The following CRADD variants were observed in gnomAD, a reference collection of about 807,000 sequenced individuals.
The protein encoded by CRADD is CARD and death domain containing adaptor protein, also known as death domain-containing protein CRADD.
A neutral mutation model predicts 15.5 loss-of-function variants in CRADD; 9 were observed. The ratio of observed to expected loss-of-function variants is 0.58; its 90% CI spans 0.35 to 1.01. CRADD has a LOEUF of 1.01. Ranked by LOEUF, CRADD falls within the 50% of genes least tolerant of loss-of-function variation. The pLI is 0.02. For synonymous variants in CRADD, 118 were observed against 107.6 expected (o/e 1.10, Z -0.60); for missense variants, 227 against 250.3 (o/e 0.91, Z 0.63).
chr12:93,770,924 G>T (rs926948435), intron 2 of CRADD, among the ~76,000 whole-genome samples: 1 of 152,158 alleles, frequency 6.6e-6, no homozygotes, highest in Non-Finnish European at 1.5e-5. Flanking sequence ...ATCTCTAAGA[G>T]AATTGATGTC....
In CRADD at chr12:93,770,244, C is replaced by T. The variant is rs9705777; in HGVS notation, c.299-79726C>T. Among the ~76,000 whole-genome samples, 140 of 151,680 alleles carry T rather than the reference C, an allele frequency of 9.2e-4. 1 individual carries two copies. The highest frequency in any genetic ancestry group is 3.4e-3 in the Middle Eastern group (1 of 292). ...CCGAGTAGCTGGGACTACAGGCGCC[C>T]GCCATCACGCCCGGCTAATTTTTTT... On this transcript the variant is annotated intron_variant, in intron 2 of 2. Transcript: ENST00000332896.
At chr12:93,808,092 C>T (rs543555713) in intron 2 of CRADD, among the ~76,000 whole-genome samples, 1 of 150,210 alleles carries the variant, frequency 6.7e-6, no homozygotes, top group Non-Finnish European at 1.5e-5. Flanking sequence ...AGTGGGTGTC[C>T]TGGGAGTGAA....
downstream of CRADD, among the ~76,000 whole-genome samples, chr12:93,854,494 C>T (rs561438801): frequency 6.6e-6 from 1 of 152,206 alleles, no homozygotes; most frequent in Non-Finnish European, 1.5e-5. Context: ...AGCTCAGAGT[C>T]AGTGCGGGAG....
intron 2 of CRADD, among the ~76,000 whole-genome samples, chr12:93,710,953 G>T (rs949923066): frequency 1.3e-5 from 2 of 150,774 alleles, no homozygotes; most frequent in Non-Finnish European, 1.5e-5. Flanking sequence ...GCTATGAATT[G>T]TTTATAGAGT....
intron 2 of CRADD, among the ~76,000 whole-genome samples, chr12:93,696,709 T>C (rs1955714674): frequency 6.6e-6 from 1 of 151,456 alleles, no homozygotes; most frequent in African/African-American, 2.4e-5. Context: ...GCCCTTTGTA[T>C]CTATGGATTC....
intron 2 of CRADD, among the ~76,000 whole-genome samples, chr12:93,856,703 A>G (rs1269176720): frequency 1.3e-5 from 2 of 152,236 alleles, no homozygotes; most frequent in African/African-American, 4.8e-5. Flanking sequence ...CTAAGTGGCA[A>G]ATATCCTATA....
intron 2 of CRADD, among the ~76,000 whole-genome samples, chr12:93,696,156 A>T (rs578141622): frequency 5.3e-5 from 8 of 152,366 alleles, no homozygotes; most frequent in Admixed American, 4.6e-4. Context: ...GAATCAGTAT[A>T]GTCATTATGG....
rs1956483048 is a variant in CRADD, at chr12:93,732,426, A to G, written c.298+53354A>G. Among the ~76,000 whole-genome samples, 3 of 152,218 alleles carry G rather than the reference A, an allele frequency of 2.0e-5. No homozygotes were observed. In the South Asian group the frequency reaches 6.2e-4, roughly 31 times the overall value. ...GAAAACACTGGTTGCAGATCGTTCTAAAGGCCATTTGGGACAACAGAACAA... is the reference window on the plus strand; with the variant it reads ...GAAAACACTGGTTGCAGATCGTTCTGAAGGCCATTTGGGACAACAGAACAA... On this transcript the variant is annotated intron_variant, in intron 2 of 2. Transcript: ENST00000332896.
At chr12:93,754,709 C>G (rs2136943470) in intron 2 of CRADD, among the ~76,000 whole-genome samples, 1 of 152,310 alleles carries the variant, frequency 6.6e-6, no homozygotes, top group South Asian at 2.1e-4. Flanking sequence ...TCACTATCAG[C>G]ATTTTTGTCA....
chr12:93,708,019 GCAAACTAGTTTGTTGAGAGAGTT>G (rs1469985736), intron 2 of CRADD: 3 of 152,172 alleles, frequency 2.0e-5, no homozygotes, highest in African/African-American at 7.2e-5. Context: ...GAGTCATTGT[GCAAACTAGTTTGTTGAGAGAGTT>G]CAAAGGCATC....
chr12:93,803,228 T>C (rs1422629271), intron 2 of CRADD, among the ~76,000 whole-genome samples: 2 of 152,194 alleles, frequency 1.3e-5, no homozygotes. Flanking sequence ...CAATGGAATA[T>C]GAATAGAGAA....
At chr12:93,686,704 A>G (rs1019273513) in intron 2 of CRADD, among the ~76,000 whole-genome samples, 1 of 152,190 alleles carries the variant, frequency 6.6e-6, no homozygotes. Flanking sequence ...CTCTGAGAAA[A>G]CAGAGGCCTA....
At chr12:93,745,876 A>T (rs1956741130) in intron 2 of CRADD, among the ~76,000 whole-genome samples, 1 of 152,210 alleles carries the variant, frequency 6.6e-6, no homozygotes, top group South Asian at 2.1e-4. Flanking sequence ...TATTAAGTAT[A>T]CAATTACTTA....
rs548823380 is a variant in CRADD, at chr12:93,701,690, GAGTAAC to G, written c.298+22620_298+22625del. ...TTCCTGAGAATATGATTCAGTTAGT[GAGTAAC>G]ATTCTCTATGCTGGCAAAGGAGGAA... On this transcript the variant is annotated intron_variant, in intron 2 of 2. Transcript: ENST00000332896. Among the ~76,000 whole-genome samples, 45 of 152,306 alleles carry G rather than the reference GAGTAAC, an allele frequency of 3.0e-4. No individual in the cohort carries two copies. In the South Asian group the frequency reaches 8.9e-3, roughly 30 times the overall value.
rs529607578 is a variant in CRADD, at chr12:93,789,607, G to A, written c.299-60363G>A. 1.9e-4 allele frequency among the ~76,000 whole-genome samples: 29 copies of A among 152,174 alleles called. 1 individual carries two copies. In the South Asian group the frequency reaches 5.8e-3, roughly 30 times the overall value. On this transcript the variant is annotated intron_variant, in intron 2 of 2. Transcript: ENST00000332896. ...GATGAGGCATAGAGTGTGGTGGAAGGGAGGGATGACAAAGGGGCAGGCAGA... is the reference window on the plus strand; with the variant it reads ...GATGAGGCATAGAGTGTGGTGGAAGAGAGGGATGACAAAGGGGCAGGCAGA...
chr12:93,771,923 G>A (rs116146347), intron 2 of CRADD, among the ~76,000 whole-genome samples: 110 of 152,308 alleles, frequency 7.2e-4, no homozygotes, highest in African/African-American at 2.4e-3. Flanking sequence ...TATATGAAAA[G>A]CAATAGTGCA....
intron 2 of CRADD, among the ~76,000 whole-genome samples, chr12:93,868,541 A>G (rs1022082901): frequency 2.0e-5 from 3 of 152,218 alleles, no homozygotes; most frequent in Admixed American, 2.0e-4. Flanking sequence ...CCAAAATGTT[A>G]TAAAATAGAA....
chr12:93,727,291 G>C (rs1956385486), intron 2 of CRADD, among the ~76,000 whole-genome samples: 1 of 152,088 alleles, frequency 6.6e-6, no homozygotes, highest in Non-Finnish European at 1.5e-5. Flanking sequence ...TCCATGCCTG[G>C]CTTCCTGTGG....
At chr12:93,713,797 T>A (rs1956115946) in intron 2 of CRADD, among the ~76,000 whole-genome samples, 1 of 152,220 alleles carries the variant, frequency 6.6e-6, no homozygotes, top group African/African-American at 2.4e-5. Context: ...TTATTTTGAA[T>A]ATCTGTTGAA....
Sources: gnomAD v4.1 joint callset for allele counts (sites outside exome capture counted in the v4.1 genomes callset) on GRCh38, gnomAD v4.1.1 for gene constraint, MANE v1.5 for transcripts, NCBI Gene and HGNC (gene_info 2026-07-23, HGNC 2026-07-21) for gene names.